Variants in FHOD3 observed in about 807,000 individuals in gnomAD.
FHOD3 encodes the protein formin homology 2 domain containing 3.
A neutral mutation model predicts 173.0 loss-of-function variants in FHOD3; 90 were observed. That is an observed-to-expected ratio of 0.52 (90% CI 0.44 to 0.62). The LOEUF is 0.62. Among genes scored for constraint, FHOD3 ranks in the 20% least tolerant of loss-of-function variants. FHOD3 has a pLI of 0.00. For synonymous variants in FHOD3, 828 were observed against 823.0 expected (o/e 1.01, Z -0.10); for missense variants, 1,945 against 2,034.7 (o/e 0.96, Z 0.85).
rs8091453 is a variant in FHOD3, at chr18:36,541,514, G to A, written c.511+28971G>A. Among the ~76,000 whole-genome samples, 1,406 of 152,198 alleles carry A rather than the reference G, an allele frequency of 9.2e-3. 15 individuals are homozygous for A. Among genetic ancestry groups the A allele is most frequent in the African/African-American group, 0.032 (1,325 of 41,516 alleles). On this transcript the variant is annotated intron_variant, in intron 5 of 28. Coordinates refer to ENST00000590592, the MANE Select transcript of FHOD3 (RefSeq NM_001281740.3). Reference sequence around the variant, plus strand: ...TCACTGCTCCAGCCTGGGCAACCGAGCAAGACCTTATCTCTACAAAAAATG... The same window carrying A: ...TCACTGCTCCAGCCTGGGCAACCGAACAAGACCTTATCTCTACAAAAAATG...
intron 17 of FHOD3, among the ~76,000 whole-genome samples, chr18:36,694,702 G>A (rs549715189): frequency 1.6e-4 from 24 of 152,260 alleles, no homozygotes; most frequent in African/African-American, 5.1e-4. Flanking sequence ...TGTATCTCCC[G>A]TCCTTTACAG....
At chr18:36,318,682 A>T (rs1360129075) in intron 1 of FHOD3, among the ~76,000 whole-genome samples, 1 of 152,150 alleles carries the variant, frequency 6.6e-6, no homozygotes, top group Non-Finnish European at 1.5e-5. Context: ...AGACAGTTTG[A>T]CTTCCTCTTT....
chr18:36,714,469 A>G (rs1909899395), intron 18 of FHOD3, among the ~76,000 whole-genome samples: 1 of 152,208 alleles, frequency 6.6e-6, no homozygotes, highest in Admixed American at 6.5e-5. Context: ...CTTGGGAGGT[A>G]GAGGCTGCAT....
chr18:36,581,972 T>G (rs937371606), intron 6 of FHOD3, among the ~76,000 whole-genome samples: 3 of 151,942 alleles, frequency 2.0e-5, no homozygotes, highest in African/African-American at 7.3e-5. Flanking sequence ...ATAGAGACAT[T>G]TTGAGGACTA....
intron 1 of FHOD3, among the ~76,000 whole-genome samples, chr18:36,327,360 T>C (rs754606566): frequency 2.6e-5 from 4 of 152,234 alleles, no homozygotes; most frequent in Non-Finnish European, 5.9e-5. Flanking sequence ...AATGGCTTAT[T>C]GTATAGGTAT....
chr18:36,713,910 T>G (rs1340425693), intron 18 of FHOD3, among the ~76,000 whole-genome samples: 2 of 152,180 alleles, frequency 1.3e-5, no homozygotes, highest in African/African-American at 2.4e-5. Context: ...CAGTAATTCC[T>G]TTAAATTAAA....
chr18:36,479,783 A>G (rs1216063634), intron 3 of FHOD3, among the ~76,000 whole-genome samples: 1 of 152,132 alleles, frequency 6.6e-6, no homozygotes, highest in Admixed American at 6.5e-5. Context: ...TGTAAAATGG[A>G]CTGACGAGTC....
chr18:36,753,208 C>T (rs1300992678), intron 24 of FHOD3, among the ~76,000 whole-genome samples: 2 of 152,136 alleles, frequency 1.3e-5, no homozygotes, highest in African/African-American at 2.4e-5. Flanking sequence ...GTGGCCTCCT[C>T]ACCCCTCCCC....
In FHOD3 at chr18:36,769,302, G is replaced by A. The variant is rs753274297; in HGVS notation, c.4662G>A (p.Ser1554=). 9.9e-6 allele frequency: 16 copies of A among 1,614,008 alleles called. No individual in the cohort carries two copies. Among genetic ancestry groups the A allele is most frequent in the Middle Eastern group, 1.6e-4 (1 of 6,084 alleles). The stretch of plus-strand genomic sequence containing the variant: ...CCTGGACTATGGGAACTGATGACTC[G>A]CCCAATGTCACAGATGATGCAGCTG... The part of the protein sequence containing the change: ...TSSWTMGTDD[S]PNVTDDAADE... Residue 1554 remains serine (S), a synonymous_variant, in exon 28 of 29, where the codon TCG becomes TCA. Coordinates refer to ENST00000590592, the MANE Select transcript of FHOD3 (RefSeq NM_001281740.3).
chr18:36,425,228 G>A (rs550057294), intron 3 of FHOD3, among the ~76,000 whole-genome samples: 15 of 152,120 alleles, frequency 9.9e-5, no homozygotes, highest in Admixed American at 4.6e-4. Context: ...TATTGTGCCC[G>A]ACTTATAAAT....
intron 15 of FHOD3, among the ~76,000 whole-genome samples, chr18:36,684,687 T>G (rs768515408): frequency 6.6e-6 from 1 of 151,988 alleles, no homozygotes; most frequent in Non-Finnish European, 1.5e-5. Flanking sequence ...AAACAAAAAT[T>G]GAAAGAAAAA....
intron 3 of FHOD3, among the ~76,000 whole-genome samples, chr18:36,463,613 C>G (rs914729869): frequency 6.8e-6 from 1 of 147,226 alleles, no homozygotes; most frequent in East Asian, 2.0e-4. Flanking sequence ...ATCATCCCAC[C>G]TCAGCCTCCT....
intron 14 of FHOD3, among the ~76,000 whole-genome samples, chr18:36,661,208 T>C (rs570024675): frequency 2.0e-5 from 3 of 152,320 alleles, no homozygotes; most frequent in Admixed American, 1.3e-4. Context: ...GTTGCACTTA[T>C]GATAATAGAC....
chr18:36,456,243 A>C (rs1347837745), intron 3 of FHOD3, among the ~76,000 whole-genome samples: 2 of 152,138 alleles, frequency 1.3e-5, no homozygotes, highest in African/African-American at 4.8e-5. Context: ...CCATCTTTGC[A>C]TGACCTTTCA....
At chr18:36,762,082 C>T (rs896791485) in intron 27 of FHOD3, among the ~76,000 whole-genome samples, 7 of 152,074 alleles carry the variant, frequency 4.6e-5, no homozygotes, top group African/African-American at 1.7e-4. Context: ...TGAGGAGGCT[C>T]TTCAGTGACT....
intron 24 of FHOD3, among the ~76,000 whole-genome samples, chr18:36,748,364 G>GCA (rs369761727): frequency 4.8e-4 from 68 of 140,828 alleles, no homozygotes; most frequent in East Asian, 2.1e-3. Flanking sequence ...ACACGCACGC[G>GCA]CACACACACA....
At chr18:36,734,425 C>G (rs1268434986) in intron 20 of FHOD3, among the ~76,000 whole-genome samples, 1 of 152,134 alleles carries the variant, frequency 6.6e-6, no homozygotes, top group Admixed American at 6.5e-5. Flanking sequence ...TCACATGCCC[C>G]CTAGGAGCAA....
In FHOD3 at chr18:36,520,433, T is replaced by C. The variant is rs184676089; in HGVS notation, c.511+7890T>C. ...CATCATTAGGCTGAACCATGTGAGG[T>C]TGCTGGTATTTGACCACTTTTTACC... On this transcript the variant is annotated intron_variant, in intron 5 of 28. Coordinates refer to ENST00000590592, the MANE Select transcript of FHOD3 (RefSeq NM_001281740.3). Among the ~76,000 whole-genome samples the C allele has an allele frequency of 2.2e-3, 328 of 152,262 alleles. 1 individual carries two copies. The highest frequency in any genetic ancestry group is 3.5e-3 in the Non-Finnish European group (235 of 68,016).
At chr18:36,331,922 A>T (rs56066913) in intron 1 of FHOD3, among the ~76,000 whole-genome samples, 23,992 of 152,078 alleles carry the variant, frequency 0.16, 2,132 homozygotes, top group South Asian at 0.33. Flanking sequence ...GGGCGGGTGG[A>T]CTAGAGCACC....
Sources: allele counts gnomAD v4.1 joint callset (sites outside exome capture counted in the v4.1 genomes callset), GRCh38; gene constraint gnomAD v4.1.1; transcripts MANE v1.5; gene names NCBI Gene and HGNC (gene_info 2026-07-23, HGNC 2026-07-21).